TCF7L1: variants seen among roughly 807,000 people sequenced by gnomAD.
TCF7L1 encodes the protein transcription factor 7-like 1.
Under a neutral mutation model 63.7 loss-of-function variants are expected in TCF7L1, and 18 were observed. The ratio of observed to expected loss-of-function variants is 0.28; its 90% CI spans 0.20 to 0.42. TCF7L1 has a LOEUF of 0.42. Ranked by LOEUF, TCF7L1 falls within the 10% of genes least tolerant of loss-of-function variation. TCF7L1 has a pLI of 1.00. For missense variants in TCF7L1, 654 were observed against 779.3 expected (o/e 0.84, Z 1.91); for synonymous variants, 355 against 340.9 (o/e 1.04, Z -0.46).
intron 3 of TCF7L1, among the ~76,000 whole-genome samples, chr2:85,259,606 A>G (rs535596637): frequency 4.6e-5 from 7 of 152,356 alleles, no homozygotes; most frequent in Admixed American, 4.6e-4. Context: ...AGGGGTAAAG[A>G]GAGCCGTGGG....
chr2:85,309,378 C>T lies in TCF7L1; in HGVS notation c.1683C>T (p.Ser561=). The stretch of plus-strand genomic sequence containing the variant: ...CAGCTCTGCTGGCCTCTCCCCCGTC[C>T]TTCCCCGCCACGCTCCATGCCCACC... The part of the protein sequence containing the change: ...MPTALLASPP[S]FPATLHAHQA... Residue 561 remains serine (S), a synonymous_variant, in exon 12 of 12, where the codon TCC becomes TCT. Transcript: ENST00000282111. The T allele has an allele frequency of 8.7e-6, 14 of 1,602,996 alleles. No homozygotes were observed. The highest frequency in any genetic ancestry group is 1.2e-5 in the Non-Finnish European group (14 of 1,174,340).
chr2:85,171,932 C>G lies in TCF7L1; in HGVS notation c.441+37482C>G, dbSNP rs759944832. Among the ~76,000 whole-genome samples, 11 of 152,220 alleles carry G rather than the reference C, an allele frequency of 7.2e-5. No homozygotes were observed. The Middle Eastern group carries it at 0.01, about 141-fold the overall frequency. On this transcript the variant is annotated intron_variant, in intron 3 of 11. Coordinates refer to ENST00000282111, the MANE Select transcript of TCF7L1 (RefSeq NM_031283.3). ...ACCATTCCCATCTTCCCCCCTCCCC[C>G]CACACTGCCCTAAACACATCCCGGG...
chr2:85,204,471 T>C (rs1222518866), intron 3 of TCF7L1, among the ~76,000 whole-genome samples: 2 of 152,218 alleles, frequency 1.3e-5, no homozygotes, highest in Non-Finnish European at 2.9e-5. Flanking sequence ...CACACCTTTG[T>C]GTGCCCAAAC....
chr2:85,278,817 C>T (rs975785313), intron 3 of TCF7L1, among the ~76,000 whole-genome samples: 1 of 152,228 alleles, frequency 6.6e-6, no homozygotes, highest in Non-Finnish European at 1.5e-5. Context: ...AAATCGAAGA[C>T]AGTAGTACCT....
At chr2:85,165,965 A>G (rs1254561215) in intron 3 of TCF7L1, among the ~76,000 whole-genome samples, 1 of 152,238 alleles carries the variant, frequency 6.6e-6, no homozygotes, top group African/African-American at 2.4e-5. Context: ...GGACAGGTCT[A>G]TGCAGTTTTA....
chr2:85,288,878 T>C (rs1310620446), intron 4 of TCF7L1, among the ~76,000 whole-genome samples: 1 of 152,142 alleles, frequency 6.6e-6, no homozygotes, highest in Non-Finnish European at 1.5e-5. Flanking sequence ...AGGAGCACTG[T>C]GTCCAGCCAC....
At chr2:85,268,189 C>T (rs1319314118) in intron 3 of TCF7L1, among the ~76,000 whole-genome samples, 2 of 152,196 alleles carry the variant, frequency 1.3e-5, no homozygotes, top group Non-Finnish European at 2.9e-5. Flanking sequence ...TTCCCATTCC[C>T]TCTATCCATC....
chr2:85,198,587 T>C (rs1349653060), intron 3 of TCF7L1, among the ~76,000 whole-genome samples: 2 of 152,134 alleles, frequency 1.3e-5, no homozygotes, highest in African/African-American at 2.4e-5. Flanking sequence ...GGCTCCAGAA[T>C]GAATGGGGAG....
At chr2:85,194,843 T>C (rs1475497043) in intron 3 of TCF7L1, among the ~76,000 whole-genome samples, 1 of 152,178 alleles carries the variant, frequency 6.6e-6, no homozygotes, top group South Asian at 2.1e-4. Context: ...GTTGCAAGCT[T>C]TTAGTTCGCA....
At chr2:85,268,681 AC>A (rs1224190478) in intron 3 of TCF7L1, among the ~76,000 whole-genome samples, 1 of 150,192 alleles carries the variant, frequency 6.7e-6, no homozygotes, top group African/African-American at 2.5e-5. Flanking sequence ...ACCTCAGGTG[AC>A]CCACCCTCCT....
intron 3 of TCF7L1, among the ~76,000 whole-genome samples, chr2:85,143,305 C>G (rs1224463911): frequency 6.6e-6 from 1 of 152,062 alleles, no homozygotes; most frequent in Non-Finnish European, 1.5e-5. Context: ...GTTTAACTTC[C>G]CAGGGAGTCA....
At chr2:85,299,339 C>CT (rs1681907036) in intron 4 of TCF7L1, among the ~76,000 whole-genome samples, 1 of 151,744 alleles carries the variant, frequency 6.6e-6, no homozygotes, top group African/African-American at 2.4e-5. Context: ...CGCCTGATGT[C>CT]AGGAGTTCAA....
At chr2:85,275,703 G>C (rs552807815) in intron 3 of TCF7L1, among the ~76,000 whole-genome samples, 4 of 152,178 alleles carry the variant, frequency 2.6e-5, no homozygotes, top group Admixed American at 6.5e-5. Flanking sequence ...CAGATCACTT[G>C]AGCTCAGGAG....
At chr2:85,276,889 G>A (rs183370463) in intron 3 of TCF7L1, among the ~76,000 whole-genome samples, 38 of 152,272 alleles carry the variant, frequency 2.5e-4, no homozygotes, top group African/African-American at 7.7e-4. Context: ...TCTCGAGAGC[G>A]ACAGACTCAT....
intron 4 of TCF7L1, among the ~76,000 whole-genome samples, chr2:85,295,775 C>CTTTTTTTT (rs56373561): frequency 8.3e-4 from 84 of 100,866 alleles, no homozygotes; most frequent in East Asian, 1.8e-3. Flanking sequence ...GTAACATTTA[C>CTTTTTTTT]TTTTTTTTTT....
intron 8 of TCF7L1, 124 bp downstream of exon 8, chr2:85,305,527 TC>T: frequency 8.1e-7 from 1 of 1,232,642 alleles, no homozygotes; most frequent in Non-Finnish European, 1.1e-6. Context: ...CATCACAGCC[TC>T]CCCAGCCAGG....
intron 3 of TCF7L1, among the ~76,000 whole-genome samples, chr2:85,171,989 G>A: frequency 6.6e-6 from 1 of 152,112 alleles, no homozygotes. Context: ...ACCTTGGGGA[G>A]ACCAGTTTCT....
intron 3 of TCF7L1, among the ~76,000 whole-genome samples, chr2:85,266,663 T>A: frequency 6.6e-6 from 1 of 152,260 alleles, no homozygotes; most frequent in East Asian, 1.9e-4. Flanking sequence ...CAGGGGGCAG[T>A]GTGGAGCTGT....
At chr2:85,185,611 G>A (rs371378099) in intron 3 of TCF7L1, among the ~76,000 whole-genome samples, 2 of 152,128 alleles carry the variant, frequency 1.3e-5, no homozygotes, top group South Asian at 2.1e-4. Context: ...AGAGAGGGTT[G>A]TCCTGTCTAT....
Sources: allele counts gnomAD v4.1 joint callset (sites outside exome capture counted in the v4.1 genomes callset), GRCh38; gene constraint gnomAD v4.1.1; transcripts MANE v1.5; gene names NCBI Gene and HGNC (gene_info 2026-07-23, HGNC 2026-07-21).